The following SUSD4 variants were observed in gnomAD, a reference collection of about 807,000 sequenced individuals.
The protein encoded by SUSD4 is sushi domain-containing protein 4.
Under a neutral mutation model 50.5 loss-of-function variants are expected in SUSD4, and 41 were observed. The ratio of observed to expected loss-of-function variants is 0.81; its 90% CI spans 0.63 to 1.05. The LOEUF (loss-of-function observed/expected upper bound fraction) is 1.05. Among genes scored for constraint, SUSD4 ranks in the 50% least tolerant of loss-of-function variants. The pLI, the probability that SUSD4 is intolerant of heterozygous loss-of-function variation, is 0.00. For missense variants in SUSD4, 580 were observed against 634.7 expected (o/e 0.91, Z 0.93); for synonymous variants, 257 against 257.3 (o/e 1.00, Z 0.01).
chr1:223,252,988 G>A (rs1446872364), intron 5 of SUSD4, among the ~76,000 whole-genome samples: 1 of 152,062 alleles, frequency 6.6e-6, no homozygotes, highest in African/African-American at 2.4e-5. Context: ...CTAGTTGGGA[G>A]GCTGAGACAG....
At chr1:223,352,093 A>T (rs964840900) in intron 2 of SUSD4, among the ~76,000 whole-genome samples, 1 of 152,196 alleles carries the variant, frequency 6.6e-6, no homozygotes, top group Admixed American at 6.5e-5. Flanking sequence ...ACCACACTAC[A>T]TGGAGGAAAT....
chr1:223,277,931 C>T lies in SUSD4; in HGVS notation c.362-9256G>A, dbSNP rs974479900. On this transcript the variant is annotated intron_variant, in intron 3 of 8. Transcript: ENST00000366878. ...TATCCCTAAATTAGTGAGTCTCAAA[C>T]ATTTTTATGTGTAAGAATCAGCTGG... Among the ~76,000 whole-genome samples the T allele has an allele frequency of 5.9e-5, 9 of 152,166 alleles. No homozygotes were observed. The East Asian group carries it at 1.5e-3, about 26-fold the overall frequency.
At chr1:223,290,634 G>A (rs188678927) in intron 3 of SUSD4, among the ~76,000 whole-genome samples, 2 of 152,012 alleles carry the variant, frequency 1.3e-5, no homozygotes. Flanking sequence ...GCCCCTCCCT[G>A]CACATCTGGG....
intron 2 of SUSD4, among the ~76,000 whole-genome samples, chr1:223,360,937 G>A (rs1395095378): frequency 6.6e-6 from 1 of 152,314 alleles, no homozygotes; most frequent in East Asian, 1.9e-4. Flanking sequence ...CAGAAAGTCT[G>A]GAGCAGAAGC....
intron 2 of SUSD4, among the ~76,000 whole-genome samples, chr1:223,299,757 G>A (rs1329872491): frequency 1.3e-5 from 2 of 152,318 alleles, no homozygotes; most frequent in East Asian, 3.9e-4. Flanking sequence ...AAATAGCTGA[G>A]TAAGGGAGAA....
rs778850805 is a variant in SUSD4, at chr1:223,363,457, G to T, written c.-32C>A. The T allele has an allele frequency of 2.7e-6, 4 of 1,506,412 alleles. No individual in the cohort carries two copies. Among genetic ancestry groups the T allele is most frequent in the Non-Finnish European group, 2.7e-6 (3 of 1,119,078 alleles). The allele number at this position is 1,506,412 out of a possible 1,614,324, so 93.3% of individuals were successfully genotyped here. On this transcript the variant is annotated 5_prime_UTR_variant, in exon 2 of 9. Transcript: ENST00000366878. ...TCCACAGAGGGCATCCAGCTTGCAA[G>T]AGTCTGCAACCAGAAGCGGAACACC...
At chr1:223,249,580 A>G (rs1205402127) in intron 5 of SUSD4, among the ~76,000 whole-genome samples, 1 of 152,172 alleles carries the variant, frequency 6.6e-6, no homozygotes, top group African/African-American at 2.4e-5. Context: ...GGAGGAAGCA[A>G]TTGGTCATGC....
At chr1:223,224,898 C>T in intron 7 of SUSD4, among the ~76,000 whole-genome samples, 2 of 114,088 alleles carry the variant, frequency 1.8e-5, no homozygotes, top group South Asian at 2.9e-4. Flanking sequence ...GAGATAGAGT[C>T]TCACTCTGTC....
At chr1:223,256,161 C>T (rs899264173) in intron 5 of SUSD4, among the ~76,000 whole-genome samples, 2 of 152,174 alleles carry the variant, frequency 1.3e-5, no homozygotes, top group Non-Finnish European at 1.5e-5. Flanking sequence ...TCCTCCAAAG[C>T]CTTTTACATG....
chr1:223,304,745 C>G (rs1665412014), intron 2 of SUSD4, among the ~76,000 whole-genome samples: 1 of 138,182 alleles, frequency 7.2e-6, no homozygotes, highest in African/African-American at 2.8e-5. Context: ...CATCCTCTAG[C>G]TGTGTAACTC....
chr1:223,242,258 T>A (rs2103024387), intron 5 of SUSD4, among the ~76,000 whole-genome samples: 1 of 152,254 alleles, frequency 6.6e-6, no homozygotes, highest in African/African-American at 2.4e-5. Flanking sequence ...TAGACTTCTT[T>A]CTTAATATTA....
chr1:223,279,796 T>C (rs926283571), intron 3 of SUSD4, among the ~76,000 whole-genome samples: 5 of 138,142 alleles, frequency 3.6e-5, no homozygotes, highest in African/African-American at 8.6e-5. Context: ...TCAGATTCAC[T>C]GAAGTTGAAA....
intron 2 of SUSD4, among the ~76,000 whole-genome samples, chr1:223,325,986 C>T (rs185773264): frequency 1.4e-3 from 217 of 152,200 alleles, no homozygotes; most frequent in Admixed American, 4.8e-3. Context: ...CATCAAAATA[C>T]CAAAATCATT....
chr1:223,277,218 C>T (rs1401176252), intron 3 of SUSD4, among the ~76,000 whole-genome samples: 1 of 152,182 alleles, frequency 6.6e-6, no homozygotes, highest in East Asian at 1.9e-4. Context: ...TCAAATTATT[C>T]ATCTTTTATA....
At chr1:223,293,977 T>C (rs1337013126) in intron 2 of SUSD4, among the ~76,000 whole-genome samples, 2 of 151,840 alleles carry the variant, frequency 1.3e-5, no homozygotes, top group Non-Finnish European at 2.9e-5. Flanking sequence ...CAAACACTGA[T>C]GTCATAAGCC....
chr1:223,246,196 G>A (rs759532006), intron 5 of SUSD4, among the ~76,000 whole-genome samples: 39 of 152,112 alleles, frequency 2.6e-4, no homozygotes, highest in Non-Finnish European at 4.6e-4. Context: ...AGACTAGGGC[G>A]CATCATGGAA....
chr1:223,236,754 T>A (rs1355053102), intron 5 of SUSD4, among the ~76,000 whole-genome samples: 1 of 152,128 alleles, frequency 6.6e-6, no homozygotes, highest in Non-Finnish European at 1.5e-5. Context: ...TTGATTACTG[T>A]AGCATTATGA....
intron 2 of SUSD4, chr1:223,360,188 T>C: frequency 2.1e-6 from 1 of 470,796 alleles, no homozygotes; most frequent in Non-Finnish European, 4.4e-6. Flanking sequence ...TACAGAAATG[T>C]GCTAAAGAAT....
At chr1:223,322,918 C>A (rs1445516723) in intron 2 of SUSD4, among the ~76,000 whole-genome samples, 1 of 152,188 alleles carries the variant, frequency 6.6e-6, no homozygotes, top group East Asian at 1.9e-4. Flanking sequence ...TACACAATTA[C>A]AGCTAAGCCT....
Sources: allele counts gnomAD v4.1 joint callset (sites outside exome capture counted in the v4.1 genomes callset), GRCh38; gene constraint gnomAD v4.1.1; transcripts MANE v1.5; gene names NCBI Gene and HGNC (gene_info 2026-07-23, HGNC 2026-07-21).